The following SLX4IP variants were observed in gnomAD, a reference collection of about 807,000 sequenced individuals.
SLX4IP encodes the protein SLX4 interacting protein.
Under a neutral mutation model 32.9 loss-of-function variants are expected in SLX4IP, and 34 were observed. The ratio of observed to expected loss-of-function variants is 1.03; its 90% confidence interval spans 0.79 to 1.38. The LOEUF (loss-of-function observed/expected upper bound fraction) is 1.38, where lower values mean the gene tolerates loss of function less well. Among genes scored for constraint, SLX4IP ranks in the 40% most tolerant of loss-of-function variants. The pLI, the probability that SLX4IP is intolerant of heterozygous loss-of-function variation, is 0.00. For missense variants in SLX4IP, 444 were observed against 479.0 expected (o/e 0.93, Z 0.68); for synonymous variants, 172 against 171.7 (o/e 1.00, Z -0.01).
intron 1 of SLX4IP, among the ~76,000 whole-genome samples, chr20:10,442,522 G>A (rs2065167719): frequency 6.6e-6 from 1 of 152,202 alleles, no homozygotes; most frequent in Non-Finnish European, 1.5e-5. Flanking sequence ...TCATTTGTAA[G>A]TTATAATATA....
chr20:10,479,636 A>AC (rs201683852), intron 2 of SLX4IP, among the ~76,000 whole-genome samples: 151,052 of 151,068 alleles, frequency 1, 75,518 homozygotes, highest in Middle Eastern at 1. Context: ...GGCGTGAGCC[A>AC]CGTCCCGGCT....
intron 2 of SLX4IP, among the ~76,000 whole-genome samples, chr20:10,476,320 T>TTAAC (rs2065475306): frequency 1.3e-5 from 2 of 152,348 alleles, no homozygotes; most frequent in East Asian, 3.9e-4. Flanking sequence ...GTCTTAAATC[T>TTAAC]TAAATTTTGA....
At chr20:10,538,367 A>G (rs963740747) in intron 2 of SLX4IP, among the ~76,000 whole-genome samples, 3 of 152,122 alleles carry the variant, frequency 2.0e-5, no homozygotes, top group Admixed American at 6.5e-5. Flanking sequence ...CCTGTGCAGT[A>G]TAGGGTGTTC....
chr20:10,519,581 A>G (rs914290801), intron 2 of SLX4IP, among the ~76,000 whole-genome samples: 2 of 152,292 alleles, frequency 1.3e-5, no homozygotes, highest in African/African-American at 4.8e-5. Context: ...ATAATATTCC[A>G]TTGTGTGGAT....
chr20:10,562,873 G>A (rs1020548025), intron 4 of SLX4IP, among the ~76,000 whole-genome samples: 10 of 152,198 alleles, frequency 6.6e-5, no homozygotes, highest in Non-Finnish European at 1.5e-4. Context: ...ACTGCAGTAA[G>A]CAAGGGGGTA....
chr20:10,464,472 G>A (rs954136343), intron 2 of SLX4IP, among the ~76,000 whole-genome samples: 3 of 152,298 alleles, frequency 2.0e-5, no homozygotes, highest in African/African-American at 7.2e-5. Context: ...CTTGAGGCCA[G>A]GAGTTAGAGA....
intron 3 of SLX4IP, among the ~76,000 whole-genome samples, 165 bp downstream of exon 3, chr20:10,556,485 T>G (rs1479335832): frequency 6.6e-6 from 1 of 152,254 alleles, no homozygotes; most frequent in Non-Finnish European, 1.5e-5. Flanking sequence ...ACCCACTTTT[T>G]TTTTCCTTCA....
chr20:10,512,822 A>ATATATATATATATATATATG (rs1555810585), intron 2 of SLX4IP, among the ~76,000 whole-genome samples: 1 of 102,488 alleles, frequency 9.8e-6, no homozygotes, highest in Non-Finnish European at 2.0e-5. Flanking sequence ...ATATATATAT[A>ATATATATATATATATATATG]GTTGTTGTTG....
intron 2 of SLX4IP, among the ~76,000 whole-genome samples, chr20:10,526,079 T>A (rs186159721): frequency 6.6e-6 from 1 of 152,280 alleles, no homozygotes; most frequent in African/African-American, 2.4e-5. Context: ...ATTTCCGGTC[T>A]CACCTTCCCC....
At chr20:10,451,794 C>A (rs986609744) in intron 1 of SLX4IP, among the ~76,000 whole-genome samples, 1 of 151,738 alleles carries the variant, frequency 6.6e-6, no homozygotes, top group Non-Finnish European at 1.5e-5. Flanking sequence ...TGGTGAAACC[C>A]CGTCTCTACT....
intron 2 of SLX4IP, among the ~76,000 whole-genome samples, chr20:10,551,226 G>T (rs550967877): frequency 6.6e-6 from 1 of 152,316 alleles, no homozygotes; most frequent in Non-Finnish European, 1.5e-5. Flanking sequence ...CGTTCAGTTG[G>T]CAGTGAGTTT....
intron 1 of SLX4IP, among the ~76,000 whole-genome samples, chr20:10,446,237 C>A (rs1023459849): frequency 6.6e-6 from 1 of 151,538 alleles, no homozygotes; most frequent in African/African-American, 2.4e-5. Context: ...GATGGTGAAA[C>A]CCCGTCTCTA....
chr20:10,533,408 AT>A (rs2066006597), intron 2 of SLX4IP, among the ~76,000 whole-genome samples: 1 of 151,554 alleles, frequency 6.6e-6, no homozygotes, highest in African/African-American at 2.4e-5. Context: ...GGCTCAAGTG[AT>A]TCTCCTGCAT....
At chr20:10,517,655 T>G (rs2065861610) in intron 2 of SLX4IP, among the ~76,000 whole-genome samples, 1 of 152,148 alleles carries the variant, frequency 6.6e-6, no homozygotes, top group Non-Finnish European at 1.5e-5. Flanking sequence ...TCCTGCTGCA[T>G]AGGGTTGATG....
chr20:10,536,427 T>C (rs1013858216), intron 2 of SLX4IP, among the ~76,000 whole-genome samples: 1 of 152,014 alleles, frequency 6.6e-6, no homozygotes. Context: ...TGCTTCTGTA[T>C]CATCAATTAG....
At chr20:10,508,765 A>G (rs993904310) in intron 2 of SLX4IP, among the ~76,000 whole-genome samples, 1 of 152,260 alleles carries the variant, frequency 6.6e-6, no homozygotes, top group African/African-American at 2.4e-5. Context: ...ACTCTGCTTC[A>G]GTTGCATTTC....
At position 10,451,760 on chromosome 20, in the gene SLX4IP, A is replaced by G. The variant is rs561137515; in HGVS notation, c.-29-6416A>G. ...GAGGCGGGTGAATCATGAGGTCAGGAGTTCGAGAACAGCTTGGCCAATATG... is the reference window on the plus strand; with the variant it reads ...GAGGCGGGTGAATCATGAGGTCAGGGGTTCGAGAACAGCTTGGCCAATATG... On this transcript the variant is annotated intron_variant, in intron 1 of 7. Transcript: ENST00000334534. 7.4e-4 allele frequency among the ~76,000 whole-genome samples: 112 copies of G among 151,472 alleles called. 1 individual carries two copies. In the South Asian group the frequency reaches 0.02, roughly 28 times the overall value.
At chr20:10,440,274 G>T (rs1274220305) in intron 1 of SLX4IP, among the ~76,000 whole-genome samples, 1 of 151,942 alleles carries the variant, frequency 6.6e-6, no homozygotes, top group Non-Finnish European at 1.5e-5. Flanking sequence ...TGCCAACATG[G>T]TGAAACCCTG....
At chr20:10,557,538 T>C (rs1450555111) in intron 3 of SLX4IP, among the ~76,000 whole-genome samples, 1 of 152,240 alleles carries the variant, frequency 6.6e-6, no homozygotes, top group African/African-American at 2.4e-5. Flanking sequence ...TACTAACGCA[T>C]GTTGCTGTGA....
Sources: gnomAD v4.1 joint callset for allele counts (sites outside exome capture counted in the v4.1 genomes callset) on GRCh38, gnomAD v4.1.1 for gene constraint, MANE v1.5 for transcripts, NCBI Gene and HGNC (gene_info 2026-07-23, HGNC 2026-07-21) for gene names.